The following TTLL5 variants were observed in gnomAD, a reference collection of about 807,000 sequenced individuals.
TTLL5 encodes tubulin tyrosine ligase like 5, also known as tubulin polyglutamylase TTLL5.
TTLL5 carries 132 observed loss-of-function variants against 168.4 expected under a neutral mutation model. The observed-to-expected ratio is 0.78, with a 90% CI of 0.68 to 0.91. TTLL5 has a LOEUF of 0.91. TTLL5 is among the 40% of genes least tolerant of loss of function. The pLI, the probability that TTLL5 is intolerant of heterozygous loss-of-function variation, is 0.00. For synonymous variants in TTLL5, 546 were observed against 558.6 expected, an observed-to-expected ratio of 0.98 and a Z score of 0.32; for missense variants, 1,545 against 1,581.5, an observed-to-expected ratio of 0.98 and a Z score of 0.39.
chr14:75,787,524 C>T (rs1474866058), intron 26 of TTLL5, among the ~76,000 whole-genome samples: 1 of 152,136 alleles, frequency 6.6e-6, no homozygotes, highest in African/African-American at 2.4e-5. Context: ...TGGAAACAAC[C>T]ACATGAAGAA....
At chr14:75,750,667 G>A (rs541739036) in intron 17 of TTLL5, among the ~76,000 whole-genome samples, 83 of 151,784 alleles carry the variant, frequency 5.5e-4, no homozygotes, top group South Asian at 1.5e-3. Context: ...AGTTATATGC[G>A]GATTTTTGAC....
intron 31 of TTLL5, among the ~76,000 whole-genome samples, chr14:75,950,687 G>T (rs2034934854): frequency 6.6e-6 from 1 of 152,134 alleles, no homozygotes; most frequent in Non-Finnish European, 1.5e-5. Flanking sequence ...CTTTGTCAGG[G>T]CTGGGTGCAT....
chr14:75,919,763 A>T, intron 31 of TTLL5, among the ~76,000 whole-genome samples: 1 of 152,172 alleles, frequency 6.6e-6, no homozygotes, highest in Non-Finnish European at 1.5e-5. Flanking sequence ...GCAACAACAA[A>T]ATTAGACAAG....
intron 5 of TTLL5, among the ~76,000 whole-genome samples, chr14:75,687,899 G>C (rs140792250): frequency 6.6e-6 from 1 of 152,148 alleles, no homozygotes; most frequent in East Asian, 1.9e-4. Context: ...CAGTATACCC[G>C]TTAGAATGGC....
intron 9 of TTLL5, 152 bp from the exon 10 acceptor site, chr14:75,717,709 C>A: frequency 1.6e-6 from 1 of 634,198 alleles, no homozygotes; most frequent in Non-Finnish European, 2.7e-6. Flanking sequence ...CATTATAAAA[C>A]ACTTAGAATG....
rs143940763 is a variant in TTLL5, at chr14:75,823,926, C to T, written c.3326+3765C>T. Among the ~76,000 whole-genome samples the T allele has an allele frequency of 2.2e-3, 329 of 152,268 alleles. 1 individual carries two copies. Among genetic ancestry groups the T allele is most frequent in the African/African-American group, 7.5e-3 (311 of 41,562 alleles). ...ATAAATAGCTTGGTATTCTGCTTTG[C>T]GTAATTTTAAGGTACACATTTTTCA... On this transcript the variant is annotated intron_variant, in intron 28 of 31. Coordinates refer to ENST00000298832, the MANE Select transcript of TTLL5 (RefSeq NM_015072.5).
chr14:75,791,960 G>A (rs1307181977), intron 26 of TTLL5, among the ~76,000 whole-genome samples: 1 of 151,872 alleles, frequency 6.6e-6, no homozygotes, highest in Non-Finnish European at 1.5e-5. Flanking sequence ...ACAGGCTGGA[G>A]TGCAGTGGCA....
At chr14:75,866,180 C>T (rs1398915440) in intron 29 of TTLL5, among the ~76,000 whole-genome samples, 1 of 152,124 alleles carries the variant, frequency 6.6e-6, no homozygotes, top group Admixed American at 6.5e-5. Context: ...AGAATCATTC[C>T]ACAGTGGAAG....
chr14:75,826,181 A>C (rs1237512581), intron 28 of TTLL5, among the ~76,000 whole-genome samples: 1 of 152,102 alleles, frequency 6.6e-6, no homozygotes, highest in East Asian at 1.9e-4. Context: ...CATGGAATGC[A>C]GTGTTTGCAG....
rs748277361 is a variant in TTLL5, at chr14:75,933,197, C to T, written c.3824-21227C>T. On this transcript the variant is annotated intron_variant, in intron 31 of 31. Coordinates refer to ENST00000298832, the MANE Select transcript of TTLL5 (RefSeq NM_015072.5). ...ATTTGGCTCGGCACAGTGGCTCACG[C>T]TTATAATCCCAGCACTTGGGAGGCC... is the stretch of plus-strand genomic sequence containing the variant. 3.3e-5 allele frequency among the ~76,000 whole-genome samples: 5 copies of T among 152,184 alleles called. No individual in the cohort carries two copies. In the East Asian group the frequency reaches 7.7e-4, roughly 23 times the overall value.
intron 17 of TTLL5, among the ~76,000 whole-genome samples, chr14:75,751,533 C>T (rs1164061024): frequency 6.6e-6 from 1 of 152,128 alleles, no homozygotes; most frequent in African/African-American, 2.4e-5. Flanking sequence ...TGGGAAAGAG[C>T]AGAATGCATG....
intron 23 of TTLL5, among the ~76,000 whole-genome samples, chr14:75,777,843 A>G (rs1891806785): frequency 6.6e-6 from 1 of 152,124 alleles, no homozygotes; most frequent in Admixed American, 6.6e-5. Context: ...ACAGCAAACA[A>G]ATATATCATT....
chr14:75,777,900 G>A (rs1402930260), intron 23 of TTLL5, among the ~76,000 whole-genome samples: 1 of 151,462 alleles, frequency 6.6e-6, no homozygotes, highest in East Asian at 1.9e-4. Context: ...ACATTTTTGA[G>A]TCTTAAGTAA....
At chr14:75,752,844 C>T (rs1284958474) in intron 17 of TTLL5, 49 bp from the exon 18 acceptor site, 1 of 1,542,938 alleles carries the variant, frequency 6.5e-7, no homozygotes, top group Non-Finnish European at 8.9e-7. Flanking sequence ...TCTACATTTT[C>T]CTCTTGAACT....
intron 28 of TTLL5, among the ~76,000 whole-genome samples, chr14:75,844,068 A>G (rs1018645623): frequency 1.3e-5 from 2 of 151,532 alleles, no homozygotes; most frequent in African/African-American, 4.9e-5. Flanking sequence ...TTTTTAGTAG[A>G]GATGGGGTTT....
At chr14:75,919,400 A>G (rs2033742412) in intron 31 of TTLL5, among the ~76,000 whole-genome samples, 2 of 152,136 alleles carry the variant, frequency 1.3e-5, no homozygotes, top group Non-Finnish European at 1.5e-5. Flanking sequence ...ATAAAGCTAC[A>G]GTAACCAAAA....
chr14:75,775,600 G>T lies in TTLL5; in HGVS notation c.2253G>T (p.Gln751His). The change falls in exon 22 of 32, where the codon CAG becomes CAT. Residue 751 changes from glutamine to histidine, a missense_variant. Gln to His is a conservative substitution (Grantham distance 24). Transcript: ENST00000298832. ...AACGCAGAAGAATCCTGGCCCACCA[G>T]CTGGGTGACTTTATCATTGTATACA... is the stretch of plus-strand genomic sequence containing the variant. ...LLERRRILAH[Q>H]LGDFIIVYNK... 1 of 1,614,092 alleles carries T rather than the reference G, an allele frequency of 6.2e-7. No individual in the cohort carries two copies. Among genetic ancestry groups the T allele is most frequent in the Non-Finnish European group, 8.5e-7 (1 of 1,179,986 alleles).
chr14:75,873,138 A>G lies in TTLL5; in HGVS notation c.3522+9276A>G, dbSNP rs1363101358. Among the ~76,000 whole-genome samples the G allele has an allele frequency of 5.4e-5, 8 of 149,312 alleles. No individual in the cohort carries two copies. In the East Asian group the frequency reaches 1.4e-3, roughly 26 times the overall value. ...CCCCAGGCTGGAGTGCAGTGGCTCA[A>G]TCTCGGCTCATTGCAAGCTCCGCCT... is the stretch of plus-strand genomic sequence containing the variant. On this transcript the variant is annotated intron_variant, in intron 29 of 31. Transcript: ENST00000298832.
chr14:75,828,061 T>G (rs887729764), intron 28 of TTLL5, among the ~76,000 whole-genome samples: 4 of 152,148 alleles, frequency 2.6e-5, no homozygotes, highest in African/African-American at 9.7e-5. Flanking sequence ...CTTTCTGTGA[T>G]GAGAATGAAA....
Sources: allele counts gnomAD v4.1 joint callset (sites outside exome capture counted in the v4.1 genomes callset), GRCh38; gene constraint gnomAD v4.1.1; transcripts MANE v1.5; gene names NCBI Gene and HGNC (gene_info 2026-07-23, HGNC 2026-07-21).